Variants in SCHIP1 observed in about 807,000 individuals in gnomAD.
SCHIP1 encodes schwannomin interacting protein 1, also known as schwannomin-interacting protein 1.
In SCHIP1, 8 loss-of-function variants were observed where a neutral mutation model predicts 29.7. That is an observed-to-expected ratio of 0.27 (90% CI 0.16 to 0.49). The LOEUF is 0.49. Ranked by LOEUF, SCHIP1 falls within the 20% of genes least tolerant of loss-of-function variation. The pLI is 0.99. For synonymous variants in SCHIP1, 76 were observed against 94.9 expected, an observed-to-expected ratio of 0.80 and a Z score of 1.16; for missense variants, 193 against 294.6, an observed-to-expected ratio of 0.66 and a Z score of 2.52.
At chr3:159,353,552 G>C in the SCHIP1 span, among the ~76,000 whole-genome samples, 1 of 152,058 alleles carries the variant, frequency 6.6e-6, no homozygotes, top group African/African-American at 2.4e-5. Context: ...CGTTCTTGAG[G>C]AATCTGTTCA....
chr3:159,822,416 G>A, the SCHIP1 span, among the ~76,000 whole-genome samples: 1 of 151,876 alleles, frequency 6.6e-6, no homozygotes, highest in Non-Finnish European at 1.5e-5. Context: ...TGGAAAGAAT[G>A]AACTGGAATG....
chr3:159,854,725 A>G (rs1713117040), intron 1 of SCHIP1, among the ~76,000 whole-genome samples: 1 of 152,212 alleles, frequency 6.6e-6, no homozygotes, highest in Non-Finnish European at 1.5e-5. Flanking sequence ...TGCTATTTTC[A>G]GTGTCAAAGA....
the SCHIP1 span, among the ~76,000 whole-genome samples, chr3:159,640,359 A>G: frequency 3.3e-5 from 5 of 152,276 alleles, no homozygotes; most frequent in South Asian, 6.2e-4. Context: ...CCTTTCTCAG[A>G]GTCAATTCCA....
chr3:159,456,470 A>T, the SCHIP1 span, among the ~76,000 whole-genome samples: 1 of 152,158 alleles, frequency 6.6e-6, no homozygotes, highest in South Asian at 2.1e-4. Flanking sequence ...ATTTTCCTCC[A>T]TGAAAAAGAG....
At chr3:159,291,337 T>C in the SCHIP1 span, among the ~76,000 whole-genome samples, 1 of 152,230 alleles carries the variant, frequency 6.6e-6, no homozygotes, top group African/African-American at 2.4e-5. Context: ...TCTTTAAAAA[T>C]ATGTGATTAA....
the SCHIP1 span, among the ~76,000 whole-genome samples, chr3:159,504,146 A>T: frequency 6.6e-6 from 1 of 152,194 alleles, no homozygotes; most frequent in Non-Finnish European, 1.5e-5. Flanking sequence ...CACCATCTGG[A>T]GGAAAGATGA....
the SCHIP1 span, among the ~76,000 whole-genome samples, chr3:159,561,214 G>T: frequency 6.6e-6 from 1 of 152,206 alleles, no homozygotes; most frequent in African/African-American, 2.4e-5. Context: ...TGTCCACAAG[G>T]ATTACAGTGA....
At chr3:159,731,773 C>G in the SCHIP1 span, among the ~76,000 whole-genome samples, 2 of 152,138 alleles carry the variant, frequency 1.3e-5, no homozygotes, top group Non-Finnish European at 1.5e-5. Flanking sequence ...TTCACAGTTG[C>G]CAGAAACCAT....
the SCHIP1 span, among the ~76,000 whole-genome samples, chr3:159,752,022 G>A: frequency 6.6e-6 from 1 of 152,074 alleles, no homozygotes; most frequent in African/African-American, 2.4e-5. Flanking sequence ...ATTCAAAAGT[G>A]TGTAGCACCC....
At chr3:159,283,435 C>A in the SCHIP1 span, among the ~76,000 whole-genome samples, 1 of 152,088 alleles carries the variant, frequency 6.6e-6, no homozygotes, top group African/African-American at 2.4e-5. Flanking sequence ...GGATTACAGG[C>A]GTGAACCATC....
chr3:159,724,182 GATT>G, the SCHIP1 span, among the ~76,000 whole-genome samples: 2 of 152,072 alleles, frequency 1.3e-5, no homozygotes, highest in African/African-American at 2.4e-5. Context: ...TTCTCTTATT[GATT>G]GCCTTTTCAT....
At chr3:159,750,350 A>G in the SCHIP1 span, among the ~76,000 whole-genome samples, 1 of 150,830 alleles carries the variant, frequency 6.6e-6, no homozygotes, top group Non-Finnish European at 1.5e-5. Flanking sequence ...TATATAATTT[A>G]TATGTTTGCT....
At chr3:159,422,956 T>G in the SCHIP1 span, among the ~76,000 whole-genome samples, 1 of 100,368 alleles carries the variant, frequency 1.0e-5, no homozygotes, top group Non-Finnish European at 2.4e-5. Flanking sequence ...TTCTATTAGT[T>G]ACATAAGAGT....
chr3:159,600,689 A>T, the SCHIP1 span, among the ~76,000 whole-genome samples: 1 of 152,116 alleles, frequency 6.6e-6, no homozygotes, highest in East Asian at 1.9e-4. Flanking sequence ...TCTTTTTAAG[A>T]TTTATTGCTG....
chr3:159,570,219 A>T, the SCHIP1 span, among the ~76,000 whole-genome samples: 1 of 152,172 alleles, frequency 6.6e-6, no homozygotes, highest in Non-Finnish European at 1.5e-5. Context: ...GTCCTTGCCC[A>T]TGCCTATGTC....
At chr3:159,495,053 A>G in the SCHIP1 span, among the ~76,000 whole-genome samples, 1 of 152,242 alleles carries the variant, frequency 6.6e-6, no homozygotes, top group South Asian at 2.1e-4. Flanking sequence ...ACAAAATTCA[A>G]CAGCCCTTCA....
At chr3:159,764,721 T>C in the SCHIP1 span, 21 of 1,575,546 alleles carry the variant, frequency 1.3e-5, no homozygotes, top group Admixed American at 3.6e-4. This position sits in a 1 kb window ranked among gnomAD's most constrained non-coding sequence, Gnocchi z 6.1. Flanking sequence ...GGTACCGGGA[T>C]GACCGCTCTC....
chr3:159,749,131 C>T, the SCHIP1 span, among the ~76,000 whole-genome samples: 2 of 151,860 alleles, frequency 1.3e-5, no homozygotes, highest in Admixed American at 6.6e-5. Flanking sequence ...AAAAGTTAGC[C>T]GGGTGTGGTG....
chr3:159,775,978 A>G, the SCHIP1 span, among the ~76,000 whole-genome samples: 1 of 152,224 alleles, frequency 6.6e-6, no homozygotes, highest in Non-Finnish European at 1.5e-5. Flanking sequence ...GGTGTTTTTA[A>G]TGTCAAGTCC....
Sources: gnomAD v4.1 joint callset for allele counts (sites outside exome capture counted in the v4.1 genomes callset) on GRCh38, gnomAD v4.1.1 for gene constraint, Gnocchi (gnomAD v3.1) non-coding constraint, MANE v1.5 for transcripts, NCBI Gene and HGNC (gene_info 2026-07-23, HGNC 2026-07-21) for gene names.